The following SGCD variants were observed in gnomAD, a reference collection of about 807,000 sequenced individuals.
SGCD encodes sarcoglycan delta.
A neutral mutation model predicts 36.6 loss-of-function variants in SGCD; 18 were observed. The observed-to-expected ratio is 0.49, with a 90% CI of 0.34 to 0.73. SGCD has a LOEUF of 0.73. Among genes scored for constraint, SGCD ranks in the 30% least tolerant of loss-of-function variants. SGCD has a pLI of 0.01. For synonymous variants in SGCD, 133 were observed against 130.6 expected (o/e 1.02, Z -0.12); for missense variants, 387 against 346.7 (o/e 1.12, Z -0.92).
At chr5:155,780,224 A>T in the SGCD span, among the ~76,000 whole-genome samples, 3 of 152,230 alleles carry the variant, frequency 2.0e-5, no homozygotes, top group South Asian at 6.2e-4. Flanking sequence ...TCCCCTAAAC[A>T]GCTTGACATG....
At chr5:155,821,634 G>C in the SGCD span, among the ~76,000 whole-genome samples, 1 of 152,092 alleles carries the variant, frequency 6.6e-6, no homozygotes, top group Admixed American at 6.5e-5. Flanking sequence ...TTTTAACAGC[G>C]ACTGTTAGAA....
chr5:156,604,534 G>T (rs144184108), intron 6 of SGCD, among the ~76,000 whole-genome samples: 5 of 151,680 alleles, frequency 3.3e-5, no homozygotes, highest in Non-Finnish European at 7.4e-5. Context: ...TGGGGCTAAC[G>T]TGAAGTCTTA....
At chr5:156,463,869 T>C (rs1754605698) in intron 3 of SGCD, among the ~76,000 whole-genome samples, 2 of 151,978 alleles carry the variant, frequency 1.3e-5, no homozygotes, top group South Asian at 4.2e-4. Flanking sequence ...GACAGGAGGA[T>C]TGCTTTAGCC....
chr5:156,492,584 CT>C (rs1265176848), intron 3 of SGCD, among the ~76,000 whole-genome samples: 1 of 152,024 alleles, frequency 6.6e-6, no homozygotes, highest in Admixed American at 6.6e-5. Flanking sequence ...AATTATTATA[CT>C]TTAAGTTCTG....
chr5:156,133,949 ACACACACACACAG>A (rs1762389980), intron 3 of SGCD, among the ~76,000 whole-genome samples: 7 of 150,802 alleles, frequency 4.6e-5, no homozygotes, highest in African/African-American at 1.7e-4. Context: ...ACACACACAC[ACACACACACACAG>A]TTTCTCTCTG....
chr5:156,334,487 A>G (rs1034792485), intron 2 of SGCD, among the ~76,000 whole-genome samples: 1 of 152,060 alleles, frequency 6.6e-6, no homozygotes, highest in Non-Finnish European at 1.5e-5. Flanking sequence ...ATCTTCAACA[A>G]TTCTTGCAAT....
chr5:156,295,136 T>C (rs374692637), intron 3 of SGCD, among the ~76,000 whole-genome samples: 1 of 152,192 alleles, frequency 6.6e-6, no homozygotes, highest in East Asian at 1.9e-4. Flanking sequence ...TTTTGATTAT[T>C]GATTCAGTCT....
chr5:156,562,162 G>A (rs1239627550), intron 4 of SGCD, among the ~76,000 whole-genome samples: 1 of 152,104 alleles, frequency 6.6e-6, no homozygotes, highest in Non-Finnish European at 1.5e-5. Flanking sequence ...TGAGGAAAAT[G>A]GGCAATAAAC....
intron 7 of SGCD, among the ~76,000 whole-genome samples, chr5:156,747,238 C>T (rs1037680480): frequency 2.0e-5 from 3 of 152,150 alleles, no homozygotes; most frequent in Non-Finnish European, 4.4e-5. Flanking sequence ...GCAAAACTAT[C>T]CTGGAAAACA....
At chr5:156,020,128 C>T (rs568120756) in intron 1 of SGCD, among the ~76,000 whole-genome samples, 1 of 152,286 alleles carries the variant, frequency 6.6e-6, no homozygotes, top group Admixed American at 6.5e-5. Context: ...ACTACATGTA[C>T]TTACTTTTAT....
chr5:156,402,393 G>A (rs1487476584), intron 3 of SGCD, among the ~76,000 whole-genome samples: 1 of 152,130 alleles, frequency 6.6e-6, no homozygotes, highest in African/African-American at 2.4e-5. Context: ...GCAATTTTTT[G>A]CAAAAGAGAA....
chr5:156,257,985 G>C (rs955578803), intron 3 of SGCD, among the ~76,000 whole-genome samples: 6 of 152,132 alleles, frequency 3.9e-5, no homozygotes, highest in African/African-American at 1.4e-4. Context: ...AAATGGGAAG[G>C]ATTGTTTGAG....
chr5:155,876,772 T>C (rs1755776931), intron 1 of SGCD, among the ~76,000 whole-genome samples: 1 of 152,144 alleles, frequency 6.6e-6, no homozygotes, highest in Non-Finnish European at 1.5e-5. Context: ...AATAAGAAAC[T>C]ATGAAAAATA....
At chr5:156,324,764 A>G (rs183573155), upstream of SGCD, among the ~76,000 whole-genome samples, 285 of 152,166 alleles carry the variant, frequency 1.9e-3, no homozygotes, top group African/African-American at 6.7e-3. Context: ...TTTTCCCTGA[A>G]AAGAAGCAGG....
intron 3 of SGCD, among the ~76,000 whole-genome samples, chr5:156,214,228 A>G (rs1162823628): frequency 5.3e-5 from 8 of 151,956 alleles, no homozygotes; most frequent in African/African-American, 1.4e-4. Context: ...ACAAAAAACT[A>G]TTAGATCTAA....
At chr5:156,758,455 A>G (rs1757419665) in intron 8 of SGCD, among the ~76,000 whole-genome samples, 1 of 151,938 alleles carries the variant, frequency 6.6e-6, no homozygotes, top group Non-Finnish European at 1.5e-5. Flanking sequence ...ATCAGTCTCT[A>G]CCTGCTTCTA....
rs144808711 is a variant in SGCD at position 156,466,939 on chromosome 5, G to A, written c.193-41662G>A. On this transcript the variant is annotated intron_variant, in intron 3 of 8. Transcript: ENST00000337851. ...CCTAGGACCCACAAAAGCCACAAAG[G>A]GCCTGTAGTGTATGCCGATCACTCA... 5.3e-3 allele frequency among the ~76,000 whole-genome samples: 802 copies of A among 151,954 alleles called. 10 individuals carry two copies. The highest frequency in any genetic ancestry group is 0.018 in the African/African-American group (739 of 41,444).
At chr5:156,388,396 G>A (rs1771389893) in intron 3 of SGCD, among the ~76,000 whole-genome samples, 2 of 152,136 alleles carry the variant, frequency 1.3e-5, no homozygotes, top group African/African-American at 4.8e-5. Context: ...CAAGCAAATG[G>A]CAATCTTTGG....
chr5:156,216,179 A>C (rs192007495), intron 3 of SGCD, among the ~76,000 whole-genome samples: 2 of 152,326 alleles, frequency 1.3e-5, no homozygotes, highest in East Asian at 3.9e-4. Context: ...GGGAGAGAGT[A>C]GTCGAGGAAA....
Sources: allele counts gnomAD v4.1 joint callset (sites outside exome capture counted in the v4.1 genomes callset), GRCh38; gene constraint gnomAD v4.1.1; transcripts MANE v1.5; gene names NCBI Gene and HGNC (gene_info 2026-07-23, HGNC 2026-07-21).